Variants in NRROS observed in about 807,000 individuals in gnomAD.
NRROS encodes transforming growth factor beta activator LRRC33.
In NRROS, 6 loss-of-function variants were observed where a neutral mutation model predicts 12.0. The ratio of observed to expected loss-of-function variants is 0.50; its 90% CI spans 0.27 to 0.98. The LOEUF is 0.98. NRROS is among the 50% of genes least tolerant of loss of function. NRROS has a pLI of 0.11. For synonymous variants in NRROS, 462 were observed against 410.2 expected (o/e 1.13, Z -1.53); for missense variants, 857 against 888.2 (o/e 0.96, Z 0.45).
intron 1 of NRROS, among the ~76,000 whole-genome samples, chr3:196,653,537 C>T (rs374531866): frequency 6.6e-6 from 1 of 152,224 alleles, no homozygotes; most frequent in African/African-American, 2.4e-5. Context: ...GGGGCCAGCT[C>T]TTGCCTCTGG....
In NRROS at chr3:196,654,870, G is replaced by A. The variant is rs968027893; in HGVS notation, c.108+223G>A. Reference sequence around the variant, plus strand: ...GCAGTCCCTGCCCCGCCGTTCTCACGCCTGCTGAGGATAGGAGGCATCCGA... The same window carrying A: ...GCAGTCCCTGCCCCGCCGTTCTCACACCTGCTGAGGATAGGAGGCATCCGA... On this transcript the variant is annotated intron_variant, in intron 2 of 2. Coordinates refer to ENST00000328557, the MANE Select transcript of NRROS (RefSeq NM_198565.3). The surrounding 1 kb of genome is among the most constrained non-coding windows in gnomAD (Gnocchi z 4.4). The A allele has an allele frequency of 2.7e-5, 14 of 526,844 alleles. No homozygotes were observed. The highest frequency in any genetic ancestry group is 5.1e-4 in the Middle Eastern group (1 of 1,964). 32.6% of individuals were successfully genotyped at this position (526,844 alleles called of 1,614,324 possible).
chr3:196,657,643 G>GTTGCAGCAAGCAGAGA (rs1737567697), intron 2 of NRROS, among the ~76,000 whole-genome samples: 1 of 150,350 alleles, frequency 6.7e-6, no homozygotes, highest in African/African-American at 2.5e-5. Context: ...GCAGGCAGAG[G>GTTGCAGCAAGCAGAGA]TTGCAGCAAG....
chr3:196,653,209 C>G (rs1013593823), intron 1 of NRROS, among the ~76,000 whole-genome samples: 1 of 152,146 alleles, frequency 6.6e-6, no homozygotes, highest in Admixed American at 6.6e-5. Context: ...TTCCCAGTGT[C>G]TGGCAAGTTC....
rs1388612738 is a variant in NRROS, at chr3:196,660,403, A to G, written c.760A>G (p.Thr254Ala). 6.2e-7 allele frequency: 1 copy of G among 1,613,604 alleles called. No homozygotes were observed. Among genetic ancestry groups the G allele is most frequent in the Non-Finnish European group, 8.5e-7 (1 of 1,179,892 alleles). Residue 254 changes from threonine (T) to alanine (A), a missense_variant, in exon 3 of 3, where the codon ACG becomes GCG. Coordinates refer to ENST00000328557, the MANE Select transcript of NRROS (RefSeq NM_198565.3). The surrounding 1 kb of genome is among the most constrained non-coding windows in gnomAD (Gnocchi z 7.7). ...GGGAGAGGCTGCCTTCGAGCTGGAG[A>G]CGCTGGACCTGTCTCACAACCAGCT... is the stretch of plus-strand genomic sequence containing the variant. The part of the protein sequence containing the change: ...TGGEAAFELE[T>A]LDLSHNQLLF...
intron 1 of NRROS, among the ~76,000 whole-genome samples, chr3:196,648,800 C>T (rs1423866137): frequency 6.8e-6 from 1 of 146,148 alleles, no homozygotes; most frequent in African/African-American, 2.5e-5. Flanking sequence ...ATTCCAACAT[C>T]CACTCAAGGT....
Position 196,659,810 on chromosome 3 carries a change from C to T in NRROS, c.167C>T (p.Pro56Leu), listed in dbSNP as rs768570688. The change falls in exon 3 of 3, where the codon CCG becomes CTG. Residue 56 changes from proline to leucine, a missense_variant. Physicochemically the swap from Pro to Leu is moderately conservative, Grantham distance 98 (BLOSUM62 -3). Coordinates refer to ENST00000328557, the MANE Select transcript of NRROS (RefSeq NM_198565.3). ...QSLASVPSSL[P>L]PHARMLTLDA... ...CTCGCTTCGGTGCCCAGCAGCCTCC[C>T]GCCCCACGCCCGGATGCTCACCCTG... is the stretch of plus-strand genomic sequence containing the variant. 2.0e-5 allele frequency: 32 copies of T among 1,613,724 alleles called. 1 individual carries two copies. In the South Asian group the frequency reaches 2.9e-4, roughly 14 times the overall value.
Position 196,661,952 on chromosome 3 carries a change from G to T in NRROS, c.*230G>T. 1 of 373,140 alleles carries T rather than the reference G, an allele frequency of 2.7e-6. No individual in the cohort carries two copies. Among genetic ancestry groups the T allele is most frequent in the Non-Finnish European group, 4.6e-6 (1 of 219,748 alleles). 23.1% of individuals were successfully genotyped at this position (373,140 alleles called of 1,614,324 possible). ...TATCTTGGTAAAATATTTATTAAGT[G>T]ACTTTTTCAGAAATAAAAGGCAACG... On this transcript the variant is annotated 3_prime_UTR_variant, in exon 3 of 3. Transcript: ENST00000328557.
Position 196,661,120 on chromosome 3 carries a change from T to G in NRROS, c.1477T>G (p.Ser493Ala). 6.2e-7 allele frequency: 1 copy of G among 1,613,672 alleles called. No homozygotes were observed. ...QGTSLTYLDL[S>A]SNWGVLNGSL... is the part of the protein sequence containing the mutation. ...GACCTCCCTGACCTACTTAGACCTC[T>G]CAAGCAACTGGGGGGTTCTGAATGG... The change falls in exon 3 of 3, where the codon TCA becomes GCA. Residue 493 changes from serine to alanine, a missense_variant. Physicochemically the swap from Ser to Ala is moderately conservative, Grantham distance 99. Coordinates refer to ENST00000328557, the MANE Select transcript of NRROS (RefSeq NM_198565.3).
chr3:196,655,659 C>T (rs976255603), intron 2 of NRROS, among the ~76,000 whole-genome samples: 5 of 152,196 alleles, frequency 3.3e-5, no homozygotes, highest in African/African-American at 1.2e-4. Context: ...ACGAGTTGAC[C>T]GCTAAGGCTT....
At chr3:196,642,724 C>T (rs1737231640) in intron 1 of NRROS, among the ~76,000 whole-genome samples, 1 of 152,164 alleles carries the variant, frequency 6.6e-6, no homozygotes, top group Non-Finnish European at 1.5e-5. Context: ...GTTGGTTGCA[C>T]AGCCGCGTAA....
Position 196,661,559 on chromosome 3 carries a change from G to C in NRROS, c.1916G>C (p.Arg639Pro), listed in dbSNP as rs199943467. 6.2e-7 allele frequency: 1 copy of C among 1,614,000 alleles called. No homozygotes were observed. Among genetic ancestry groups the C allele is most frequent in the Non-Finnish European group, 8.5e-7 (1 of 1,180,012 alleles). The change falls in exon 3 of 3, where the codon CGG (arginine) becomes CCG (proline). Residue 639 changes from arginine (R) to proline (P), a missense_variant. Physicochemically the swap from Arg to Pro is moderately radical, Grantham distance 103. Transcript: ENST00000328557. ...RVTELPGGVP[R>P]DCKWERLDLG... is the part of the protein sequence containing the mutation. ...ACGGAGCTGCCCGGAGGTGTGCCTCGGGACTGCAAGTGGGAGCGGCTGGAC... is the reference window on the plus strand; with the variant it reads ...ACGGAGCTGCCCGGAGGTGTGCCTCCGGACTGCAAGTGGGAGCGGCTGGAC...
intron 1 of NRROS, among the ~76,000 whole-genome samples, chr3:196,647,864 G>C (rs1737341732): frequency 6.6e-6 from 1 of 152,034 alleles, no homozygotes; most frequent in African/African-American, 2.4e-5. Context: ...CAGCCACCTG[G>C]CTAATTTTTG....
rs1737664676 is a variant in NRROS, at chr3:196,661,090, C to T, written c.1447C>T (p.Gln483Ter). The T allele has an allele frequency of 6.2e-7, 1 of 1,614,032 alleles. No individual in the cohort carries two copies. The highest frequency in any genetic ancestry group is 1.3e-5 in the African/African-American group (1 of 74,930). The change falls in exon 3 of 3, where the codon CAA becomes TAA. Residue 483 changes from glutamine to a stop codon, truncating the protein, a stop_gained. Transcript: ENST00000328557. LOFTEE classifies it low-confidence loss of function (END_TRUNC). ...GGGGGCATTGCCAGACTGCCCATTC[C>T]AAGGGACCTCCCTGACCTACTTAGA... ...GLGALPDCPF[Q>*]GTSLTYLDLS... is the part of the protein sequence containing the mutation.
intron 1 of NRROS, among the ~76,000 whole-genome samples, chr3:196,649,026 T>G (rs1737362071): frequency 6.6e-6 from 1 of 152,180 alleles, no homozygotes; most frequent in Admixed American, 6.5e-5. Context: ...ACCAGGACAG[T>G]ACCCTGTTTC....
intron 1 of NRROS, among the ~76,000 whole-genome samples, chr3:196,640,782 G>T (rs1737192313): frequency 6.6e-6 from 1 of 150,542 alleles, no homozygotes; most frequent in Admixed American, 6.6e-5. Flanking sequence ...GGCCGGATCG[G>T]GGGTCCTAGG....
At chr3:196,646,080 A>C (rs1465660971) in intron 1 of NRROS, among the ~76,000 whole-genome samples, 1 of 152,126 alleles carries the variant, frequency 6.6e-6, no homozygotes, top group Non-Finnish European at 1.5e-5. Context: ...ATTCCCTTAC[A>C]TCGACAAAGC....
chr3:196,649,330 A>G (rs1737367503), intron 1 of NRROS, among the ~76,000 whole-genome samples: 1 of 152,206 alleles, frequency 6.6e-6, no homozygotes, highest in Admixed American at 6.5e-5. Flanking sequence ...AGTCAAAGGC[A>G]GACTCCCTTT....
intron 1 of NRROS, among the ~76,000 whole-genome samples, chr3:196,641,495 G>A (rs530081344): frequency 1.3e-5 from 2 of 152,294 alleles, no homozygotes; most frequent in Non-Finnish European, 2.9e-5. Flanking sequence ...GAGTGTGGGC[G>A]TGAGTCACCG....
chr3:196,640,050 G>C (rs1411017381), intron 1 of NRROS, among the ~76,000 whole-genome samples, 175 bp downstream of exon 1: 4 of 152,228 alleles, frequency 2.6e-5, no homozygotes, highest in African/African-American at 7.2e-5. Flanking sequence ...TGCTGGGCGT[G>C]GGGGCTGCAG....
Sources: allele counts gnomAD v4.1 joint callset (sites outside exome capture counted in the v4.1 genomes callset), GRCh38; gene constraint gnomAD v4.1.1; non-coding constraint Gnocchi (gnomAD v3.1); transcripts MANE v1.5; gene names NCBI Gene and HGNC (gene_info 2026-07-23, HGNC 2026-07-21).